FCHSD2: variants seen among roughly 807,000 people sequenced by gnomAD.
FCHSD2 encodes the protein FCH and double SH3 domains 2, also known as F-BAR and double SH3 domains protein 2.
In FCHSD2, 38 loss-of-function variants were observed where a neutral mutation model predicts 108.1. The observed-to-expected ratio is 0.35, with a 90% CI of 0.27 to 0.46. The LOEUF is 0.46. Among genes scored for constraint, FCHSD2 ranks in the 20% least tolerant of loss-of-function variants. The pLI, the probability that FCHSD2 is intolerant of heterozygous loss-of-function variation, is 1.00. For synonymous variants in FCHSD2, 279 were observed against 314.7 expected, an observed-to-expected ratio of 0.89 and a Z score of 1.20; for missense variants, 751 against 897.8, an observed-to-expected ratio of 0.84 and a Z score of 2.09.
intron 2 of FCHSD2, among the ~76,000 whole-genome samples, chr11:73,100,849 T>C (rs1565410717): frequency 6.6e-6 from 1 of 150,686 alleles, no homozygotes; most frequent in Non-Finnish European, 1.5e-5. Context: ...TTTTTTTAGA[T>C]GCTTCTACGT....
chr11:72,992,951 T>G (rs1258715689), intron 5 of FCHSD2, among the ~76,000 whole-genome samples: 2 of 152,138 alleles, frequency 1.3e-5, no homozygotes, highest in Non-Finnish European at 2.9e-5. Flanking sequence ...CAAAAGGAAC[T>G]ACCATCAGAG....
At chr11:73,050,643 A>C (rs1858877670) in intron 3 of FCHSD2, among the ~76,000 whole-genome samples, 2 of 152,182 alleles carry the variant, frequency 1.3e-5, no homozygotes, top group African/African-American at 4.8e-5. Flanking sequence ...GTCCTTAAAC[A>C]AGCCTTTCCA....
At chr11:72,950,473 G>A (rs1175412369) in intron 8 of FCHSD2, among the ~76,000 whole-genome samples, 1 of 151,418 alleles carries the variant, frequency 6.6e-6, no homozygotes, top group Non-Finnish European at 1.5e-5. Flanking sequence ...TAGCTCTTAA[G>A]TCTTTGATTC....
intron 3 of FCHSD2, among the ~76,000 whole-genome samples, chr11:73,068,787 T>C (rs1050621579): frequency 7.6e-5 from 8 of 105,116 alleles, no homozygotes; most frequent in South Asian, 2.8e-4. Flanking sequence ...CTGGGCAACA[T>C]AGTGAGACCT....
At chr11:72,935,704 A>T (rs1470668507) in intron 8 of FCHSD2, among the ~76,000 whole-genome samples, 1 of 152,236 alleles carries the variant, frequency 6.6e-6, no homozygotes. Context: ...TGAATTTATC[A>T]GTTGATATAA....
intron 10 of FCHSD2, among the ~76,000 whole-genome samples, chr11:72,899,177 T>C (rs926260320): frequency 3.1e-4 from 47 of 152,334 alleles, no homozygotes; most frequent in Non-Finnish European, 8.8e-5. Flanking sequence ...ACGAAATAAA[T>C]GTTCAATGAA....
intron 12 of FCHSD2, among the ~76,000 whole-genome samples, chr11:72,881,426 T>C (rs1053424956): frequency 2.6e-5 from 4 of 152,218 alleles, no homozygotes; most frequent in African/African-American, 7.2e-5. Context: ...GGAACTGTTA[T>C]ACACTGTTGG....
intron 8 of FCHSD2, among the ~76,000 whole-genome samples, chr11:72,963,121 TCA>T (rs1856846461): frequency 1.3e-5 from 2 of 152,242 alleles, no homozygotes; most frequent in Non-Finnish European, 2.9e-5. Flanking sequence ...TAGCATATAC[TCA>T]GTACTTTACG....
intron 8 of FCHSD2, among the ~76,000 whole-genome samples, chr11:72,952,328 T>C (rs1856634633): frequency 6.6e-6 from 1 of 151,902 alleles, no homozygotes; most frequent in African/African-American, 2.4e-5. Flanking sequence ...AGTTTGACTA[T>C]CTTTTTTTTT....
intron 2 of FCHSD2, among the ~76,000 whole-genome samples, chr11:73,129,371 C>A (rs1860938676): frequency 6.6e-6 from 1 of 152,144 alleles, no homozygotes; most frequent in Non-Finnish European, 1.5e-5. Flanking sequence ...GGCAAGCAGG[C>A]CAAGCTTCGT....
At chr11:72,892,679 A>T (rs1855340668) in intron 10 of FCHSD2, among the ~76,000 whole-genome samples, 1 of 152,238 alleles carries the variant, frequency 6.6e-6, no homozygotes. Context: ...ATCTCAGCTC[A>T]GTGCAACCTC....
At chr11:73,110,396 TTTC>T (rs1175519154) in intron 2 of FCHSD2, among the ~76,000 whole-genome samples, 2 of 152,174 alleles carry the variant, frequency 1.3e-5, no homozygotes, top group African/African-American at 4.8e-5. Context: ...AGGTTTTGGA[TTTC>T]TTCAAGGTTC....
intron 8 of FCHSD2, among the ~76,000 whole-genome samples, chr11:72,969,867 G>C (rs1231873698): frequency 2.6e-5 from 4 of 152,180 alleles, no homozygotes; most frequent in Non-Finnish European, 4.4e-5. Context: ...GGTACAACAC[G>C]ACCAAATACA....
At chr11:72,978,250 G>A (rs1281761341) in intron 8 of FCHSD2, among the ~76,000 whole-genome samples, 1 of 151,840 alleles carries the variant, frequency 6.6e-6, no homozygotes, top group African/African-American at 2.4e-5. Context: ...CATGGCACAT[G>A]TATACATATG....
intron 8 of FCHSD2, among the ~76,000 whole-genome samples, chr11:72,960,678 G>A (rs998711662): frequency 6.6e-6 from 1 of 152,158 alleles, no homozygotes; most frequent in Admixed American, 6.5e-5. Context: ...TAGTAAAATA[G>A]TATCCATTCT....
chr11:73,109,674 C>T (rs1433858511), intron 2 of FCHSD2, among the ~76,000 whole-genome samples: 2 of 152,060 alleles, frequency 1.3e-5, no homozygotes, highest in Admixed American at 6.5e-5. Flanking sequence ...TTTCCCTTTC[C>T]ACTTTGGATG....
intron 3 of FCHSD2, among the ~76,000 whole-genome samples, chr11:73,047,371 A>G (rs1416576532): frequency 2.0e-5 from 3 of 152,188 alleles, no homozygotes; most frequent in Non-Finnish European, 2.9e-5. Flanking sequence ...TCAAGGTTAT[A>G]AGAAAAAAAT....
chr11:72,910,205 C>T (rs774135617), intron 9 of FCHSD2, among the ~76,000 whole-genome samples: 7 of 147,276 alleles, frequency 4.8e-5, no homozygotes, highest in Admixed American at 6.7e-5. Context: ...AGGTGAGGAG[C>T]GCCTCTGCCT....
intron 3 of FCHSD2, among the ~76,000 whole-genome samples, chr11:73,051,912 CA>C (rs1565386266): frequency 4.5e-4 from 61 of 135,864 alleles, no homozygotes; most frequent in Admixed American, 8.6e-4. Context: ...CACACACACA[CA>C]CACCCCACAC....
Sources: allele counts gnomAD v4.1 joint callset (sites outside exome capture counted in the v4.1 genomes callset), GRCh38; gene constraint gnomAD v4.1.1; transcripts MANE v1.5; gene names NCBI Gene and HGNC (gene_info 2026-07-23, HGNC 2026-07-21).